Variants in ADAMTSL1 observed in about 807,000 individuals in gnomAD.
The protein encoded by ADAMTSL1 is ADAMTS like 1.
In ADAMTSL1, 126 loss-of-function variants were observed where a neutral mutation model predicts 201.8. The ratio of observed to expected loss-of-function variants is 0.62; its 90% CI spans 0.54 to 0.72. The LOEUF is 0.72. ADAMTSL1 is among the 30% of genes least tolerant of loss of function. ADAMTSL1 has a pLI of 0.00. For synonymous variants in ADAMTSL1, 1,121 were observed against 903.4 expected (o/e 1.24, Z -4.32); for missense variants, 2,679 against 2,277.8 (o/e 1.18, Z -3.59).
chr9:18,626,878 C>CTTTCTTTCTTTCTTTCTTTCTTT (rs1461320087), intron 5 of ADAMTSL1, among the ~76,000 whole-genome samples: 1 of 90,004 alleles, frequency 1.1e-5, no homozygotes, highest in Non-Finnish European at 2.1e-5. Flanking sequence ...TGTCTTTCTT[C>CTTTCTTTCTTTCTTTCTTTCTTT]CTTCCTTCCT....
chr9:18,902,959 C>T (rs112741359), intron 26 of ADAMTSL1, among the ~76,000 whole-genome samples: 30 of 152,292 alleles, frequency 2.0e-4, no homozygotes, highest in African/African-American at 6.7e-4. Context: ...AATCCCAACA[C>T]TTTGGGAGTC....
intron 1 of ADAMTSL1, among the ~76,000 whole-genome samples, chr9:17,982,740 T>A (rs77469131): frequency 0.015 from 2,307 of 152,172 alleles, 57 homozygotes; most frequent in African/African-American, 0.053. Flanking sequence ...TGGGAGAGAA[T>A]AAAATATTAA....
intron 1 of ADAMTSL1, among the ~76,000 whole-genome samples, chr9:18,039,098 AC>A (rs1821328857): frequency 6.6e-6 from 1 of 152,230 alleles, no homozygotes; most frequent in Admixed American, 6.5e-5. Flanking sequence ...AAAAACTAAC[AC>A]CAGCTGAGAA....
intron 2 of ADAMTSL1, among the ~76,000 whole-genome samples, chr9:18,425,195 C>A (rs1009055404): frequency 2.6e-5 from 4 of 151,970 alleles, no homozygotes; most frequent in African/African-American, 7.3e-5. Flanking sequence ...CCCTCCCCCA[C>A]TTCATCTTCT....
chr9:18,663,032 G>A (rs374877840), intron 9 of ADAMTSL1, among the ~76,000 whole-genome samples: 1 of 152,124 alleles, frequency 6.6e-6, no homozygotes. Context: ...GATGATGTAT[G>A]CATAAAAAGA....
At chr9:18,558,524 A>G (rs1041628902) in intron 3 of ADAMTSL1, among the ~76,000 whole-genome samples, 2 of 152,090 alleles carry the variant, frequency 1.3e-5, no homozygotes, top group African/African-American at 4.8e-5. Context: ...GGTATATACC[A>G]AGTAATGGGA....
intron 3 of ADAMTSL1, among the ~76,000 whole-genome samples, chr9:18,545,081 G>C (rs7042143): frequency 2.0e-5 from 3 of 151,946 alleles, no homozygotes; most frequent in African/African-American, 7.3e-5. Context: ...ACATACCTCA[G>C]AGAGAACCTG....
At chr9:17,944,242 G>A (rs182466511) in intron 1 of ADAMTSL1, among the ~76,000 whole-genome samples, 4 of 152,154 alleles carry the variant, frequency 2.6e-5, no homozygotes, top group African/African-American at 9.6e-5. Flanking sequence ...AAATACCTAG[G>A]AATCCAACAT....
chr9:18,861,215 T>C (rs924055186), intron 23 of ADAMTSL1, among the ~76,000 whole-genome samples: 5 of 152,222 alleles, frequency 3.3e-5, no homozygotes, highest in African/African-American at 1.2e-4. Context: ...TTTCCCATTC[T>C]AGACCCTCCA....
At chr9:18,021,995 T>A (rs1172816070) in intron 1 of ADAMTSL1, among the ~76,000 whole-genome samples, 1 of 152,110 alleles carries the variant, frequency 6.6e-6, no homozygotes, top group Admixed American at 6.6e-5. Context: ...AAAGTGGTGA[T>A]AAAAGGCATG....
intron 2 of ADAMTSL1, among the ~76,000 whole-genome samples, chr9:18,531,226 C>G (rs1473810434): frequency 6.6e-6 from 1 of 152,192 alleles, no homozygotes; most frequent in African/African-American, 2.4e-5. Flanking sequence ...GGCCAGCACT[C>G]TCTGTTCTCA....
chr9:18,465,256 A>G (rs1211471027), intron 2 of ADAMTSL1, among the ~76,000 whole-genome samples: 4 of 152,204 alleles, frequency 2.6e-5, no homozygotes, highest in Non-Finnish European at 5.9e-5. Context: ...CCAGAAGGAT[A>G]TATAGCTTGG....
At chr9:18,013,009 G>A (rs1457205155) in intron 1 of ADAMTSL1, among the ~76,000 whole-genome samples, 1 of 143,190 alleles carries the variant, frequency 7.0e-6, no homozygotes, top group Non-Finnish European at 1.5e-5. Context: ...TTTTTCTTTA[G>A]CACATATTAC....
At chr9:18,332,488 T>C (rs1173036580) in intron 2 of ADAMTSL1, among the ~76,000 whole-genome samples, 2 of 152,148 alleles carry the variant, frequency 1.3e-5, no homozygotes, top group African/African-American at 4.8e-5. Context: ...TCCTGCTCTC[T>C]CACTCAGGCT....
At chr9:18,313,256 C>T (rs1487155607) in intron 2 of ADAMTSL1, among the ~76,000 whole-genome samples, 1 of 152,128 alleles carries the variant, frequency 6.6e-6, no homozygotes, top group African/African-American at 2.4e-5. Context: ...TCTTGTATTC[C>T]AAATTTACCT....
intron 20 of ADAMTSL1, among the ~76,000 whole-genome samples, chr9:18,814,739 G>C (rs1210226645): frequency 6.6e-6 from 1 of 152,148 alleles, no homozygotes; most frequent in African/African-American, 2.4e-5. Flanking sequence ...TGGAGGGCAG[G>C]AGGAGGGAGA....
At chr9:18,066,989 G>C (rs927271819) in intron 1 of ADAMTSL1, among the ~76,000 whole-genome samples, 11 of 152,248 alleles carry the variant, frequency 7.2e-5, no homozygotes, top group African/African-American at 2.4e-4. Context: ...GACTGTTGTG[G>C]GGTGGGGGGA....
At chr9:18,792,062 G>A (rs1005099659) in intron 19 of ADAMTSL1, among the ~76,000 whole-genome samples, 1 of 151,586 alleles carries the variant, frequency 6.6e-6, no homozygotes, top group African/African-American at 2.4e-5. Context: ...TCAGACAGGT[G>A]CAGTAGTTGT....
At chr9:18,531,840 A>C (rs1246591717) in intron 2 of ADAMTSL1, among the ~76,000 whole-genome samples, 1 of 152,200 alleles carries the variant, frequency 6.6e-6, no homozygotes, top group Non-Finnish European at 1.5e-5. Flanking sequence ...CATTGTGATC[A>C]TGAGTGTGTG....
Sources: gnomAD v4.1 joint callset for allele counts (sites outside exome capture counted in the v4.1 genomes callset) on GRCh38, gnomAD v4.1.1 for gene constraint, MANE v1.5 for transcripts, NCBI Gene and HGNC (gene_info 2026-07-23, HGNC 2026-07-21) for gene names.